The following PDE8B variants were observed in gnomAD, a reference collection of about 807,000 sequenced individuals.
PDE8B encodes high affinity cAMP-specific and IBMX-insensitive 3',5'-cyclic phosphodiesterase 8B.
A neutral mutation model predicts 101.3 loss-of-function variants in PDE8B; 26 were observed. That is an observed-to-expected ratio of 0.26 (90% CI 0.19 to 0.36). The LOEUF (loss-of-function observed/expected upper bound fraction) is 0.36, where lower values mean the gene tolerates loss of function less well. Ranked by LOEUF, PDE8B falls within the 10% of genes least tolerant of loss-of-function variation. The probability of loss-of-function intolerance (pLI) is 1.00; values close to 1 mark genes in which losing one functional copy is unlikely to be tolerated. For synonymous variants in PDE8B, 424 were observed against 429.3 expected, an observed-to-expected ratio of 0.99 and a Z score of 0.15; for missense variants, 810 against 1,163.1, an observed-to-expected ratio of 0.70 and a Z score of 4.42.
chr5:77,306,567 C>T (rs1300289684), intron 1 of PDE8B, among the ~76,000 whole-genome samples: 3 of 152,276 alleles, frequency 2.0e-5, no homozygotes, highest in East Asian at 1.9e-4. Flanking sequence ...TTGAAGGATG[C>T]GTTAGCTGCT....
chr5:77,392,288 C>A (rs1203565501), intron 10 of PDE8B, among the ~76,000 whole-genome samples: 1 of 152,156 alleles, frequency 6.6e-6, no homozygotes, highest in Admixed American at 6.5e-5. Context: ...ACCTACCCCC[C>A]AAAGTCTGAG....
intron 17 of PDE8B, among the ~76,000 whole-genome samples, chr5:77,415,427 G>A (rs1330817340): frequency 1.5e-5 from 2 of 136,542 alleles, no homozygotes; most frequent in Non-Finnish European, 3.1e-5. Context: ...GCATGATCTT[G>A]GCTCACTGCA....
At chr5:77,422,100 T>C (rs1331873427) in intron 20 of PDE8B, 112 bp downstream of exon 20, 2 of 1,166,788 alleles carry the variant, frequency 1.7e-6, no homozygotes, top group Non-Finnish European at 2.5e-6. Context: ...AGTTAACCAC[T>C]CCTCCCTGGA....
intron 11 of PDE8B, among the ~76,000 whole-genome samples, chr5:77,402,588 T>C (rs1331042952): frequency 6.6e-6 from 1 of 152,162 alleles, no homozygotes; most frequent in Admixed American, 6.5e-5. Flanking sequence ...TAGAACAATG[T>C]AACATGATCA....
the PDE8B span, chr5:77,146,710 G>T: frequency 3.2e-6 from 1 of 316,452 alleles, no homozygotes; most frequent in Non-Finnish European, 6.3e-6. Flanking sequence ...TCAGAGAGGT[G>T]CAAGACCATG....
intron 20 of PDE8B, among the ~76,000 whole-genome samples, chr5:77,424,293 A>C (rs1797420610): frequency 6.6e-6 from 1 of 152,186 alleles, no homozygotes; most frequent in African/African-American, 2.4e-5. Context: ...ATGTGCTTTT[A>C]AGTTTTTTGA....
chr5:77,402,200 A>G (rs935276078), intron 11 of PDE8B, among the ~76,000 whole-genome samples: 15 of 152,136 alleles, frequency 9.9e-5, no homozygotes, highest in African/African-American at 3.6e-4. Context: ...TCAGGGATTC[A>G]GAAATGCCAT....
intron 17 of PDE8B, 38 bp from the exon 18 acceptor site, chr5:77,418,191 C>T: frequency 7.7e-7 from 1 of 1,298,140 alleles, no homozygotes; most frequent in Non-Finnish European, 1.1e-6. Flanking sequence ...CTCCAAGATC[C>T]AGTGGGTAAT....
At chr5:77,190,724 T>C in the PDE8B span, among the ~76,000 whole-genome samples, 6 of 152,234 alleles carry the variant, frequency 3.9e-5, no homozygotes, top group Non-Finnish European at 8.8e-5. Context: ...GGCTCTAGCA[T>C]ATGAACTGGT....
At chr5:77,384,849 A>G (rs1350936777) in intron 10 of PDE8B, among the ~76,000 whole-genome samples, 2 of 152,060 alleles carry the variant, frequency 1.3e-5, no homozygotes, top group African/African-American at 4.8e-5. Context: ...GATAAGCTTT[A>G]TGATGTGCTG....
At chr5:77,327,907 T>G (rs1048767967) in intron 3 of PDE8B, among the ~76,000 whole-genome samples, 4 of 151,980 alleles carry the variant, frequency 2.6e-5, no homozygotes, top group Non-Finnish European at 5.9e-5. Flanking sequence ...GAACAGGACA[T>G]GGAGAAGGTA....
At chr5:77,366,707 A>G (rs1344696023) in intron 10 of PDE8B, among the ~76,000 whole-genome samples, 1 of 152,158 alleles carries the variant, frequency 6.6e-6, no homozygotes, top group Non-Finnish European at 1.5e-5. Context: ...ATGTTCTTTC[A>G]TCTTCTGATG....
the PDE8B span, among the ~76,000 whole-genome samples, chr5:77,091,209 G>T: frequency 6.6e-6 from 1 of 152,164 alleles, no homozygotes; most frequent in Non-Finnish European, 1.5e-5. Context: ...ACAAAGAAAT[G>T]ATAAATGTTC....
At chr5:77,290,607 G>T in intron 1 of PDE8B, 1 of 1,509,062 alleles carries the variant, frequency 6.6e-7, no homozygotes, top group South Asian at 1.1e-5. Context: ...AATCTTAGTG[G>T]AAGGTGTGGG....
chr5:77,292,614 T>A (rs1767615072), intron 1 of PDE8B, among the ~76,000 whole-genome samples: 1 of 152,220 alleles, frequency 6.6e-6, no homozygotes, highest in African/African-American at 2.4e-5. Context: ...CATTTTTGGA[T>A]TGCCAGAGAG....
chr5:77,305,150 G>A (rs1019401973), intron 1 of PDE8B, among the ~76,000 whole-genome samples: 1 of 152,180 alleles, frequency 6.6e-6, no homozygotes, highest in South Asian at 2.1e-4. Flanking sequence ...GAGATAAAAA[G>A]TTGAAGACAC....
intron 1 of PDE8B, among the ~76,000 whole-genome samples, chr5:77,278,799 A>G (rs747227589): frequency 1.3e-5 from 2 of 152,172 alleles, no homozygotes; most frequent in Non-Finnish European, 2.9e-5. Context: ...CTAGTTTTGC[A>G]TATTAATGCT....
chr5:77,387,198 G>T (rs908258034), intron 10 of PDE8B, among the ~76,000 whole-genome samples: 1 of 152,082 alleles, frequency 6.6e-6, no homozygotes, highest in Non-Finnish European at 1.5e-5. Context: ...TGCAGTGGCT[G>T]GTACTGGTTT....
At chr5:77,308,437 G>A (rs888178332) in intron 1 of PDE8B, among the ~76,000 whole-genome samples, 3 of 152,154 alleles carry the variant, frequency 2.0e-5, no homozygotes, top group Non-Finnish European at 2.9e-5. Context: ...GTAGAGATAC[G>A]AGAGGCAGGG....
Sources: allele counts gnomAD v4.1 joint callset (sites outside exome capture counted in the v4.1 genomes callset), GRCh38; gene constraint gnomAD v4.1.1; transcripts MANE v1.5; gene names NCBI Gene and HGNC (gene_info 2026-07-23, HGNC 2026-07-21).